The following XRCC4 variants were observed in gnomAD, a reference collection of about 807,000 sequenced individuals.
XRCC4 encodes the protein DNA repair protein XRCC4.
A neutral mutation model predicts 39.1 loss-of-function variants in XRCC4; 28 were observed. That is an observed-to-expected ratio of 0.72 (90% CI 0.53 to 0.98). XRCC4 has a LOEUF of 0.98. Ranked by LOEUF, XRCC4 falls within the 50% of genes least tolerant of loss-of-function variation. The probability of loss-of-function intolerance (pLI) is 0.00; values close to 1 mark genes in which losing one functional copy is unlikely to be tolerated. For synonymous variants in XRCC4, 123 were observed against 126.4 expected, an observed-to-expected ratio of 0.97 and a Z score of 0.18; for missense variants, 350 against 376.4, an observed-to-expected ratio of 0.93 and a Z score of 0.58.
At chr5:83,309,296 A>AAAAAATATATATATATATAT (rs1561467702) in intron 7 of XRCC4, among the ~76,000 whole-genome samples, 5 of 72,230 alleles carry the variant, frequency 6.9e-5, no homozygotes, top group Admixed American at 4.9e-4. Flanking sequence ...AAAAAAAAAA[A>AAAAAATATATATATATATAT]ATATATATAT....
chr5:83,338,963 TAG>T (rs1200981211), intron 7 of XRCC4, among the ~76,000 whole-genome samples: 1 of 152,186 alleles, frequency 6.6e-6, no homozygotes, highest in South Asian at 2.1e-4. Flanking sequence ...CCATACATAT[TAG>T]AGACTTTTCC....
chr5:83,213,690 G>A (rs766505442), intron 6 of XRCC4, among the ~76,000 whole-genome samples: 3 of 151,932 alleles, frequency 2.0e-5, no homozygotes, highest in East Asian at 1.9e-4. Flanking sequence ...GAGGAGGAGC[G>A]AACACTTCCC....
chr5:83,252,219 A>G (rs1753348629), intron 6 of XRCC4, among the ~76,000 whole-genome samples: 1 of 152,152 alleles, frequency 6.6e-6, no homozygotes, highest in African/African-American at 2.4e-5. Context: ...TTGAAGTTTC[A>G]GACTCATTTA....
intron 7 of XRCC4, among the ~76,000 whole-genome samples, chr5:83,261,639 TGTGCAAGTCATTTTACCTTTCCAA>T (rs1375683907): frequency 6.6e-6 from 1 of 151,440 alleles, no homozygotes; most frequent in East Asian, 1.9e-4. Flanking sequence ...TACAAGACTT[TGTGCAAGTCATTTTACCTTTCCAA>T]GTTTCAGTTT....
chr5:83,135,036 G>A (rs373580015), intron 3 of XRCC4, among the ~76,000 whole-genome samples: 7 of 152,156 alleles, frequency 4.6e-5, no homozygotes, highest in Non-Finnish European at 8.8e-5. Context: ...AACACTCACC[G>A]CGAGGGTCCG....
At chr5:83,091,410 C>T (rs192081142) in intron 1 of XRCC4, among the ~76,000 whole-genome samples, 20 of 152,236 alleles carry the variant, frequency 1.3e-4, no homozygotes, top group Middle Eastern at 3.4e-3. Flanking sequence ...TGGGGGAAGT[C>T]GTCCCTGTGA....
At chr5:83,166,900 G>A (rs988909638) in intron 3 of XRCC4, among the ~76,000 whole-genome samples, 2 of 142,986 alleles carry the variant, frequency 1.4e-5, no homozygotes, top group Non-Finnish European at 3.0e-5. Context: ...TTTTTTTTTT[G>A]AGACGGAGTC....
At chr5:83,265,684 A>C (rs1377613859) in intron 7 of XRCC4, among the ~76,000 whole-genome samples, 1 of 152,174 alleles carries the variant, frequency 6.6e-6, no homozygotes, top group Non-Finnish European at 1.5e-5. Flanking sequence ...AAAAGGACAA[A>C]AACTTTTTTT....
chr5:83,186,670 T>A (rs1484989682), intron 3 of XRCC4, among the ~76,000 whole-genome samples: 2 of 152,190 alleles, frequency 1.3e-5, no homozygotes, highest in South Asian at 2.1e-4. Context: ...CTATTCAGCT[T>A]CCCACAGACC....
At chr5:83,340,512 A>G (rs1433891918) in intron 7 of XRCC4, among the ~76,000 whole-genome samples, 2 of 152,178 alleles carry the variant, frequency 1.3e-5, no homozygotes, top group African/African-American at 4.8e-5. Flanking sequence ...AGAGGAAGAG[A>G]TAAGACTAAG....
intron 6 of XRCC4, among the ~76,000 whole-genome samples, chr5:83,256,176 CT>C (rs1247990739): frequency 6.6e-6 from 1 of 152,142 alleles, no homozygotes; most frequent in Non-Finnish European, 1.5e-5. Flanking sequence ...GTACAGATTT[CT>C]GATCCCATCA....
chr5:83,355,243 T>A (rs1210247977), downstream of XRCC4, among the ~76,000 whole-genome samples: 2 of 152,156 alleles, frequency 1.3e-5, no homozygotes, highest in East Asian at 3.8e-4. Flanking sequence ...TGAAATACCC[T>A]TTTTAGGGTT....
intron 6 of XRCC4, among the ~76,000 whole-genome samples, chr5:83,238,267 C>T (rs1752767196): frequency 1.3e-5 from 2 of 152,164 alleles, no homozygotes; most frequent in Non-Finnish European, 2.9e-5. Flanking sequence ...TCTCCTATGT[C>T]ACAAGATAAT....
At chr5:83,300,530 T>C (rs978718059) in intron 7 of XRCC4, among the ~76,000 whole-genome samples, 4 of 150,092 alleles carry the variant, frequency 2.7e-5, no homozygotes, top group African/African-American at 9.9e-5. Flanking sequence ...TATGACACAC[T>C]AATTTTATCT....
intron 1 of XRCC4, among the ~76,000 whole-genome samples, chr5:83,081,253 T>C (rs1561311130): frequency 6.6e-6 from 1 of 152,220 alleles, no homozygotes; most frequent in East Asian, 1.9e-4. Context: ...ATAGGGTTGA[T>C]TTACATTACC....
At chr5:83,209,131 A>G (rs1751537798) in intron 6 of XRCC4, among the ~76,000 whole-genome samples, 1 of 150,828 alleles carries the variant, frequency 6.6e-6, no homozygotes, top group African/African-American at 2.4e-5. Context: ...TGAATTTAAT[A>G]GAAATCTGTT....
chr5:83,117,669 GTGTGTA>G lies in XRCC4; in HGVS notation c.315+6470_315+6475del, dbSNP rs1346324068. The stretch of plus-strand genomic sequence containing the variant: ...TGTGTGTGTGTGTGTGTGTGTGTGT[GTGTGTA>G]TGTATGTATATGTATGTATATATAA... On this transcript the variant is annotated intron_variant, in intron 3 of 7. Coordinates refer to ENST00000396027, the MANE Select transcript of XRCC4 (RefSeq NM_003401.5). Among the ~76,000 whole-genome samples, 26 of 116,278 alleles carry G rather than the reference GTGTGTA, an allele frequency of 2.2e-4. No homozygotes were observed. The East Asian group carries it at 4.9e-3, about 22-fold the overall frequency. The allele number at this position is 116,278 out of a possible 152,430, so 76.3% of individuals were successfully genotyped here. A position where few individuals can be genotyped will look rare whatever the true frequency, so the allele number is the denominator to read the frequency against.
At chr5:83,320,986 G>A (rs1402482389) in intron 7 of XRCC4, among the ~76,000 whole-genome samples, 2 of 151,440 alleles carry the variant, frequency 1.3e-5, no homozygotes, top group African/African-American at 4.8e-5. Context: ...AATTTTTGTA[G>A]TTTTAGTAGA....
At chr5:83,224,183 GT>G (rs199535729) in intron 6 of XRCC4, among the ~76,000 whole-genome samples, 5 of 151,342 alleles carry the variant, frequency 3.3e-5, no homozygotes, top group East Asian at 1.9e-4. Flanking sequence ...ATTTTCTAGT[GT>G]TTTTTTTGTG....
Sources: allele counts gnomAD v4.1 joint callset (sites outside exome capture counted in the v4.1 genomes callset), GRCh38; gene constraint gnomAD v4.1.1; transcripts MANE v1.5; gene names NCBI Gene and HGNC (gene_info 2026-07-23, HGNC 2026-07-21).